The following KANK1 variants were observed in gnomAD, a reference collection of about 807,000 sequenced individuals.
KANK1 encodes the protein KN motif and ankyrin repeat domains 1.
KANK1 carries 109 observed loss-of-function variants against 106.2 expected under a neutral mutation model. The observed-to-expected ratio is 1.03, with a 90% CI of 0.88 to 1.20. KANK1 has a LOEUF of 1.20. Ranked by LOEUF, KANK1 falls within the 50% of genes most tolerant of loss-of-function variation. KANK1 has a pLI of 0.00. For synonymous variants in KANK1, 873 were observed against 652.2 expected (o/e 1.34, Z -5.16); for missense variants, 2,399 against 1,710.7 (o/e 1.40, Z -7.10).
chr9:667,000 AT>A (rs34529109), intron 1 of KANK1, among the ~76,000 whole-genome samples: 79,211 of 137,824 alleles, frequency 0.57, 22,970 homozygotes, highest in Admixed American at 0.66. Context: ...TTCCTCTTCA[AT>A]TTTTTTTTTT....
At chr9:579,060 C>G (rs1483418792) in intron 1 of KANK1, among the ~76,000 whole-genome samples, 7 of 152,176 alleles carry the variant, frequency 4.6e-5, no homozygotes, top group Non-Finnish European at 4.4e-5. Flanking sequence ...GCAGAGTATT[C>G]CGCATGCAAG....
At position 483,125 on chromosome 9, in the gene KANK1, T is replaced by G. The variant is rs555905427; in HGVS notation, c.-362+9852T>G. On this transcript the variant is annotated intron_variant, in intron 3 of 15. Coordinates refer to the KANK1 transcript ENST00000382303. Reference sequence around the variant, plus strand: ...TTATTATATTATAAGTTGTTATCCTTTATTGTACCAAATTTATAAGTGAAA... The same window carrying G: ...TTATTATATTATAAGTTGTTATCCTGTATTGTACCAAATTTATAAGTGAAA... Among the ~76,000 whole-genome samples, 8 of 152,322 alleles carry G rather than the reference T, an allele frequency of 5.3e-5. No homozygotes were observed. In the East Asian group the frequency reaches 1.3e-3, roughly 26 times the overall value.
chr9:639,829 G>A (rs191138725), intron 1 of KANK1, among the ~76,000 whole-genome samples: 15 of 152,274 alleles, frequency 9.9e-5, no homozygotes, highest in Non-Finnish European at 1.9e-4. Context: ...TCTGGTGAGG[G>A]CCTGTTCCTC....
intron 1 of KANK1, among the ~76,000 whole-genome samples, chr9:608,721 G>C (rs1305729462): frequency 6.6e-6 from 1 of 152,172 alleles, no homozygotes; most frequent in East Asian, 1.9e-4. Flanking sequence ...TCAGTTATTA[G>C]GGTGTGGCTG....
chr9:618,618 TC>T (rs1671596882), intron 1 of KANK1, among the ~76,000 whole-genome samples: 1 of 152,182 alleles, frequency 6.6e-6, no homozygotes, highest in African/African-American at 2.4e-5. Flanking sequence ...ACATATTCAC[TC>T]CTAGGCATCT....
At chr9:534,613 T>A (rs1272065230) in intron 1 of KANK1, among the ~76,000 whole-genome samples, 1 of 152,220 alleles carries the variant, frequency 6.6e-6, no homozygotes, top group Non-Finnish European at 1.5e-5. Context: ...CTCTTAGTTA[T>A]GCAGCAGCCT....
rs1023013384 is a variant in KANK1 at position 697,938 on chromosome 9, C to G, written c.38-12866C>G. The stretch of plus-strand genomic sequence containing the variant: ...ATTTATCTCAGACAGTATGGGTTAC[C>G]TGCAACAAGATCTGTGGTAGGCAGG... On this transcript the variant is annotated intron_variant, in intron 2 of 11. Transcript: ENST00000382297. Among the ~76,000 whole-genome samples the G allele has an allele frequency of 3.3e-5, 5 of 152,208 alleles. No individual in the cohort carries two copies. In the South Asian group the frequency reaches 1.0e-3, roughly 32 times the overall value.
At chr9:512,766 A>G (rs896781065) in intron 1 of KANK1, among the ~76,000 whole-genome samples, 5 of 152,182 alleles carry the variant, frequency 3.3e-5, no homozygotes, top group East Asian at 3.8e-4. Context: ...CTGCCAGTCT[A>G]TGCTTGAGTT....
intron 1 of KANK1, among the ~76,000 whole-genome samples, chr9:622,834 G>A (rs1833470480): frequency 2.6e-5 from 4 of 151,998 alleles, no homozygotes; most frequent in Admixed American, 2.0e-4. Flanking sequence ...CCTGGGAGGC[G>A]GAGGTTGCAG....
intron 2 of KANK1, among the ~76,000 whole-genome samples, chr9:708,394 C>G (rs1295868069): frequency 6.6e-6 from 1 of 152,188 alleles, no homozygotes; most frequent in African/African-American, 2.4e-5. Flanking sequence ...CACAAGTTTC[C>G]AGGCACAGCC....
At position 620,122 on chromosome 9, in the gene KANK1, A is replaced by T. The variant is rs532509044; in HGVS notation, c.-83-56768A>T. On this transcript the variant is annotated intron_variant, in intron 1 of 11. Coordinates refer to ENST00000382297, the MANE Select transcript of KANK1 (RefSeq NM_015158.5). ...ACTCCAGCCTGGGCAACAGAGCAAG[A>T]CTCCCATCTAAAAAAAAAAAAAATT... Among the ~76,000 whole-genome samples the T allele has an allele frequency of 1.1e-3, 137 of 125,922 alleles. 1 individual carries two copies. Among genetic ancestry groups the T allele is most frequent in the Non-Finnish European group, 1.7e-3 (104 of 60,032 alleles). The allele number at this position is 125,922 out of a possible 152,430, so 82.6% of individuals were successfully genotyped here. A position where few individuals can be genotyped will look rare whatever the true frequency, so the allele number is the denominator to read the frequency against.
At chr9:589,276 T>G (rs1420668703) in intron 1 of KANK1, among the ~76,000 whole-genome samples, 1 of 152,166 alleles carries the variant, frequency 6.6e-6, no homozygotes, top group East Asian at 1.9e-4. Context: ...GCTTGCTCAC[T>G]GATGGTTGTG....
At chr9:702,937 T>G (rs967770457) in intron 2 of KANK1, among the ~76,000 whole-genome samples, 1 of 152,200 alleles carries the variant, frequency 6.6e-6, no homozygotes, top group Non-Finnish European at 1.5e-5. Context: ...ATCACTAGTT[T>G]ACATACTTTC....
chr9:531,212 G>A (rs951863848), intron 1 of KANK1, among the ~76,000 whole-genome samples: 1 of 152,130 alleles, frequency 6.6e-6, no homozygotes, highest in Non-Finnish European at 1.5e-5. Flanking sequence ...GCCCATGCAG[G>A]AGGATCACTT....
At chr9:544,218 G>C (rs1211760803) in intron 1 of KANK1, among the ~76,000 whole-genome samples, 2 of 151,654 alleles carry the variant, frequency 1.3e-5, no homozygotes, top group African/African-American at 4.8e-5. Context: ...ACAGGGTTTT[G>C]CCATGTTGCC....
intron 1 of KANK1, among the ~76,000 whole-genome samples, chr9:546,655 C>T (rs970491281): frequency 6.6e-6 from 1 of 151,610 alleles, no homozygotes; most frequent in Non-Finnish European, 1.5e-5. Context: ...TTCACTATTC[C>T]CTCTCCCACC....
chr9:645,794 C>G (rs1220199112), intron 1 of KANK1, among the ~76,000 whole-genome samples: 1 of 150,704 alleles, frequency 6.6e-6, no homozygotes, highest in Non-Finnish European at 1.5e-5. Context: ...GATCGTGCCA[C>G]TGCACTTCAG....
upstream of KANK1, among the ~76,000 whole-genome samples, chr9:503,310 A>C (rs570472965): frequency 3.9e-5 from 6 of 152,200 alleles, no homozygotes; most frequent in Admixed American, 1.3e-4. Flanking sequence ...ACAGACGAAA[A>C]AGCAAGGCCC....
At chr9:611,405 G>C (rs1011237904) in intron 1 of KANK1, among the ~76,000 whole-genome samples, 2 of 152,112 alleles carry the variant, frequency 1.3e-5, no homozygotes, top group African/African-American at 4.8e-5. Flanking sequence ...AAAAAGTACA[G>C]GACTCAAGTA....
Sources: gnomAD v4.1 joint callset for allele counts (sites outside exome capture counted in the v4.1 genomes callset) on GRCh38, gnomAD v4.1.1 for gene constraint, MANE v1.5 for transcripts, NCBI Gene and HGNC (gene_info 2026-07-23, HGNC 2026-07-21) for gene names.